Variants in OR2L13 observed in about 807,000 individuals in gnomAD.
OR2L13 encodes the protein olfactory receptor family 2 subfamily L member 13, also known as olfactory receptor 2L13.
A neutral mutation model predicts 15.3 loss-of-function variants in OR2L13; 14 were observed. That is an observed-to-expected ratio of 0.91 (90% CI 0.60 to 1.43). The LOEUF is 1.43. OR2L13 is among the 40% of genes most tolerant of loss of function. The pLI is 0.00. For missense variants in OR2L13, 367 were observed against 387.9 expected (o/e 0.95, Z 0.45); for synonymous variants, 152 against 142.9 (o/e 1.06, Z -0.45).
chr1:247,975,625 C>T, the OR2L13 span: 21 of 1,265,070 alleles, frequency 1.7e-5, no homozygotes, highest in East Asian at 1.9e-4. Flanking sequence ...GGCCCTGACA[C>T]GAGTGAGTCA....
chr1:248,080,937 C>G, the OR2L13 span, among the ~76,000 whole-genome samples: 8 of 152,176 alleles, frequency 5.3e-5, no homozygotes, highest in Non-Finnish European at 1.0e-4. Context: ...CAAAGTAACT[C>G]CTCATTCGAA....
chr1:248,033,624 T>G, the OR2L13 span, among the ~76,000 whole-genome samples: 1 of 118,124 alleles, frequency 8.5e-6, no homozygotes, highest in Non-Finnish European at 1.8e-5. Flanking sequence ...TTTTTTTTTG[T>G]ACAGACAGGA....
the OR2L13 span, among the ~76,000 whole-genome samples, chr1:248,080,620 T>C: frequency 4.6e-5 from 7 of 152,340 alleles, no homozygotes; most frequent in African/African-American, 1.7e-4. Context: ...TCCTTTCTAA[T>C]GGCTGTATAG....
the OR2L13 span, among the ~76,000 whole-genome samples, chr1:248,028,140 CAAAAA>C: frequency 1.1e-4 from 4 of 37,780 alleles, no homozygotes; most frequent in African/African-American, 2.8e-4. Flanking sequence ...GATTCCGTCT[CAAAAA>C]AAAAAAAAAA....
the OR2L13 span, among the ~76,000 whole-genome samples, chr1:248,051,539 C>T: frequency 2.0e-5 from 3 of 152,042 alleles, no homozygotes; most frequent in African/African-American, 7.2e-5. Context: ...GCATTGGGTA[C>T]ACATGGACAT....
chr1:248,060,558 A>C, the OR2L13 span: 2 of 733,438 alleles, frequency 2.7e-6, no homozygotes, highest in Admixed American at 4.7e-5. Context: ...TATAGGGCTC[A>C]GTGTCAACTC....
At chr1:248,068,241 C>T in the OR2L13 span, among the ~76,000 whole-genome samples, 1 of 152,138 alleles carries the variant, frequency 6.6e-6, no homozygotes, top group Non-Finnish European at 1.5e-5. Flanking sequence ...AACTGGGAGG[C>T]ACCCCCCAGT....
chr1:248,051,636 G>A, the OR2L13 span, among the ~76,000 whole-genome samples: 58 of 152,124 alleles, frequency 3.8e-4, no homozygotes, highest in South Asian at 0.012. Context: ...TTTGTGCTAT[G>A]TTCATTATTT....
the OR2L13 span, chr1:248,041,507 T>A: frequency 1.3e-5 from 2 of 152,022 alleles, no homozygotes; most frequent in African/African-American, 4.8e-5. Context: ...AAATTGACAA[T>A]TGAGATCTAA....
chr1:248,036,992 C>A, the OR2L13 span, among the ~76,000 whole-genome samples: 1 of 152,140 alleles, frequency 6.6e-6, no homozygotes, highest in South Asian at 2.1e-4. Context: ...ACGGGGAGAG[C>A]TTGAGCAGAG....
the OR2L13 span, chr1:248,084,168 G>T: frequency 1.2e-6 from 2 of 1,611,562 alleles, no homozygotes; most frequent in African/African-American, 1.3e-5. Flanking sequence ...GGACGACATG[G>T]TCATCCTCAG....
chr1:248,026,580 T>G, the OR2L13 span, among the ~76,000 whole-genome samples: 525 of 152,282 alleles, frequency 3.4e-3, 3 homozygotes, highest in Non-Finnish European at 6.2e-3. Flanking sequence ...CTCACTTATA[T>G]ATTGGTGTTG....
the OR2L13 span, among the ~76,000 whole-genome samples, chr1:247,974,481 A>G: frequency 6.6e-6 from 1 of 152,064 alleles, no homozygotes; most frequent in African/African-American, 2.4e-5. Context: ...CATTTACATA[A>G]TGTTTACTAC....
At chr1:248,007,345 T>G in the OR2L13 span, among the ~76,000 whole-genome samples, 1 of 152,204 alleles carries the variant, frequency 6.6e-6, no homozygotes, top group African/African-American at 2.4e-5. Context: ...AAGGCTATCA[T>G]AAATGACACT....
the OR2L13 span, chr1:247,966,116 T>C: frequency 1.9e-6 from 3 of 1,612,142 alleles, no homozygotes; most frequent in Admixed American, 5.0e-5. Flanking sequence ...CACCTGATTG[T>C]GGCAAGCCTG....
chr1:248,010,015 T>C, the OR2L13 span, among the ~76,000 whole-genome samples: 7 of 152,064 alleles, frequency 4.6e-5, no homozygotes, highest in African/African-American at 1.7e-4. Context: ...AGAACGTATC[T>C]CAAAATAATA....
chr1:248,074,529 A>C, the OR2L13 span, among the ~76,000 whole-genome samples: 3 of 152,208 alleles, frequency 2.0e-5, no homozygotes, highest in Non-Finnish European at 4.4e-5. Context: ...TACAAAAATC[A>C]ATAGCATTTC....
At chr1:248,093,596 C>T (rs966660118), upstream of OR2L13, among the ~76,000 whole-genome samples, 6 of 152,164 alleles carry the variant, frequency 3.9e-5, no homozygotes, top group Admixed American at 2.0e-4. Context: ...TGTCCAGTTT[C>T]GTACTTCATC....
chr1:248,033,037 A>G, the OR2L13 span, among the ~76,000 whole-genome samples: 2 of 152,194 alleles, frequency 1.3e-5, no homozygotes, highest in Non-Finnish European at 2.9e-5. Context: ...TTTGACTTAC[A>G]ATATTTTAAC....
Sources: gnomAD v4.1 joint callset for allele counts (sites outside exome capture counted in the v4.1 genomes callset) on GRCh38, gnomAD v4.1.1 for gene constraint, MANE v1.5 for transcripts, NCBI Gene and HGNC (gene_info 2026-07-23, HGNC 2026-07-21) for gene names.